Variants in JAM3 observed in about 807,000 individuals in gnomAD.
The protein encoded by JAM3 is junctional adhesion molecule 3, also known as junctional adhesion molecule C.
JAM3 carries 31 observed loss-of-function variants against 39.4 expected under a neutral mutation model. That is an observed-to-expected ratio of 0.79 (90% CI 0.59 to 1.06). The LOEUF (loss-of-function observed/expected upper bound fraction) is 1.06, where lower values mean the gene tolerates loss of function less well. Ranked by LOEUF, JAM3 falls within the 50% of genes least tolerant of loss-of-function variation. JAM3 has a pLI of 0.00. For missense variants in JAM3, 455 were observed against 391.4 expected (o/e 1.16, Z -1.37); for synonymous variants, 182 against 148.7 (o/e 1.22, Z -1.63).
At chr11:134,102,091 C>T (rs1942085833) in intron 1 of JAM3, among the ~76,000 whole-genome samples, 3 of 152,152 alleles carry the variant, frequency 2.0e-5, no homozygotes, top group Admixed American at 2.0e-4. Context: ...TCTCAGCCAC[C>T]TTACGAAGTA....
At chr11:134,128,314 CCT>C (rs538470142) in intron 1 of JAM3, among the ~76,000 whole-genome samples, 5 of 152,192 alleles carry the variant, frequency 3.3e-5, no homozygotes, top group African/African-American at 1.2e-4. Context: ...TCAGAACTCA[CCT>C]CTCTCTGAGC....
At chr11:134,124,387 A>G in intron 1 of JAM3, 1 of 627,774 alleles carries the variant, frequency 1.6e-6, no homozygotes, top group Non-Finnish European at 2.9e-6. Flanking sequence ...GAAAGAAATC[A>G]ATAAATCAAA....
chr11:134,112,200 C>T (rs772990273), intron 1 of JAM3, among the ~76,000 whole-genome samples: 1 of 152,152 alleles, frequency 6.6e-6, no homozygotes, highest in South Asian at 2.1e-4. Context: ...AATTCTCCTG[C>T]CTCAGCCTCC....
chr11:134,107,025 A>T (rs369084633), intron 1 of JAM3, among the ~76,000 whole-genome samples: 7 of 152,242 alleles, frequency 4.6e-5, no homozygotes, highest in Admixed American at 3.9e-4. Context: ...ATAAAGACAC[A>T]TGCACACGTA....
chr11:134,082,291 C>T (rs181768668), intron 1 of JAM3, among the ~76,000 whole-genome samples: 1 of 152,274 alleles, frequency 6.6e-6, no homozygotes, highest in East Asian at 1.9e-4. Flanking sequence ...GGACTGTGGA[C>T]TTTTGAGTTA....
intron 1 of JAM3, chr11:134,124,386 C>G (rs1365551071): frequency 3.0e-5 from 19 of 629,530 alleles, no homozygotes; most frequent in Non-Finnish European, 5.5e-5. Flanking sequence ...TGAAAGAAAT[C>G]AATAAATCAA....
chr11:134,119,259 A>G (rs1289070027), intron 1 of JAM3, among the ~76,000 whole-genome samples: 2 of 152,132 alleles, frequency 1.3e-5, no homozygotes, highest in Admixed American at 1.3e-4. Context: ...TGGAAATGAT[A>G]GAATCAAATA....
At chr11:134,070,236 C>T (rs1204612440) in intron 1 of JAM3, 2 of 456,078 alleles carry the variant, frequency 4.4e-6, no homozygotes, top group Non-Finnish European at 8.8e-6. Flanking sequence ...TCATATTTAC[C>T]TAAAGCAGGA....
chr11:134,085,379 A>G (rs949900885), intron 1 of JAM3, among the ~76,000 whole-genome samples: 1 of 152,248 alleles, frequency 6.6e-6, no homozygotes, highest in Non-Finnish European at 1.5e-5. Context: ...TTACAAAATC[A>G]TGGGCATATG....
chr11:134,136,943 C>T (rs554196356), intron 1 of JAM3, among the ~76,000 whole-genome samples: 108 of 152,206 alleles, frequency 7.1e-4, no homozygotes, highest in Middle Eastern at 6.8e-3. Flanking sequence ...GAAACCCCAT[C>T]TCTACTAAAA....
At chr11:134,136,582 C>T (rs185653976) in intron 1 of JAM3, among the ~76,000 whole-genome samples, 2 of 152,292 alleles carry the variant, frequency 1.3e-5, no homozygotes, top group East Asian at 3.9e-4. Flanking sequence ...CAGCTTGGGA[C>T]CTTATCTGAT....
chr11:134,151,108 C>CA lies in JAM3; in HGVS notation c.*1927_*1928insA, dbSNP rs1182633312. 1 of 152,250 alleles carries CA rather than the reference C, an allele frequency of 6.6e-6. No individual in the cohort carries two copies. The highest frequency in any genetic ancestry group is 1.9e-4 in the East Asian group (1 of 5,200). The allele number at this position is 152,250 out of a possible 1,614,324, so 9.4% of individuals were successfully genotyped here. ...CAAGGAGCTGCTGAGAAGGAGCACT[C>CA]CACTGTGTGCCTGGAGAATGGCTCT... is the stretch of plus-strand genomic sequence containing the variant. On this transcript the variant is annotated 3_prime_UTR_variant, in exon 9 of 9. Coordinates refer to ENST00000299106, the MANE Select transcript of JAM3 (RefSeq NM_032801.5).
chr11:134,127,758 C>T (rs470719), intron 1 of JAM3, among the ~76,000 whole-genome samples: 4,708 of 152,294 alleles, frequency 0.031, 257 homozygotes, highest in East Asian at 0.25. Flanking sequence ...TAATATATTT[C>T]TAACAAGTAG....
At chr11:134,095,433 C>T (rs2120659462) in intron 1 of JAM3, among the ~76,000 whole-genome samples, 1 of 152,134 alleles carries the variant, frequency 6.6e-6, no homozygotes, top group South Asian at 2.1e-4. Context: ...AGATCGAGAC[C>T]ATCCTGGCCA....
intron 1 of JAM3, among the ~76,000 whole-genome samples, chr11:134,138,789 T>C (rs980349281): frequency 1.3e-5 from 2 of 152,214 alleles, no homozygotes; most frequent in Admixed American, 1.3e-4. Flanking sequence ...CATCCCTTTT[T>C]ATTGAATTAT....
intron 1 of JAM3, among the ~76,000 whole-genome samples, chr11:134,097,451 C>T (rs1321552334): frequency 2.6e-5 from 4 of 152,140 alleles, no homozygotes; most frequent in Admixed American, 6.5e-5. Flanking sequence ...TCGCAAGTAC[C>T]TCTGGAATCA....
intron 1 of JAM3, among the ~76,000 whole-genome samples, chr11:134,076,602 A>G (rs922192262): frequency 3.3e-5 from 5 of 152,152 alleles, no homozygotes; most frequent in Admixed American, 1.3e-4. Flanking sequence ...TTGTATTATA[A>G]ATGGATATTT....
At chr11:134,085,734 G>A (rs1211729980) in intron 1 of JAM3, among the ~76,000 whole-genome samples, 1 of 152,182 alleles carries the variant, frequency 6.6e-6, no homozygotes, top group South Asian at 2.1e-4. Flanking sequence ...GCGACTTGAG[G>A]ACGGGAAGCT....
intron 1 of JAM3, among the ~76,000 whole-genome samples, chr11:134,127,096 T>A (rs1255872334): frequency 6.6e-6 from 1 of 152,224 alleles, no homozygotes; most frequent in African/African-American, 2.4e-5. Flanking sequence ...ATCTCTTGCA[T>A]GAAGTCATAG....
Sources: gnomAD v4.1 joint callset for allele counts (sites outside exome capture counted in the v4.1 genomes callset) on GRCh38, gnomAD v4.1.1 for gene constraint, MANE v1.5 for transcripts, NCBI Gene and HGNC (gene_info 2026-07-23, HGNC 2026-07-21) for gene names.